SLC4A4: variants seen among roughly 807,000 people sequenced by gnomAD.
SLC4A4 encodes electrogenic sodium bicarbonate cotransporter 1.
A neutral mutation model predicts 111.5 loss-of-function variants in SLC4A4; 27 were observed. The ratio of observed to expected loss-of-function variants is 0.24; its 90% confidence interval spans 0.18 to 0.33. The LOEUF is 0.33. SLC4A4 is among the 10% of genes least tolerant of loss of function. The pLI, the probability that SLC4A4 is intolerant of heterozygous loss-of-function variation, is 1.00. For synonymous variants in SLC4A4, 443 were observed against 463.4 expected (o/e 0.96, Z 0.57); for missense variants, 909 against 1,315.5 (o/e 0.69, Z 4.78).
intron 16 of SLC4A4, among the ~76,000 whole-genome samples, chr4:71,507,353 TCACATGCAAAGACA>T: frequency 6.6e-6 from 1 of 152,044 alleles, no homozygotes; most frequent in East Asian, 1.9e-4. Context: ...GAGACCAATC[TCACATGCAAAGACA>T]CACATAGGCT....
chr4:71,509,191 A>G (rs776538823), intron 16 of SLC4A4, among the ~76,000 whole-genome samples: 12 of 152,228 alleles, frequency 7.9e-5, no homozygotes, highest in Non-Finnish European at 1.6e-4. Flanking sequence ...GAAAACCAGT[A>G]CAAGACAAAG....
intron 18 of SLC4A4, among the ~76,000 whole-genome samples, chr4:71,545,731 A>G (rs2149233245): frequency 6.6e-6 from 1 of 152,172 alleles, no homozygotes; most frequent in South Asian, 2.1e-4. Flanking sequence ...ACATATTATG[A>G]AAGCTGAGAA....
At chr4:71,389,252 T>A (rs570359852) in intron 6 of SLC4A4, among the ~76,000 whole-genome samples, 2 of 152,344 alleles carry the variant, frequency 1.3e-5, no homozygotes, top group Admixed American at 6.5e-5. Context: ...CTCTCTATTA[T>A]CTTTATCCCA....
intron 14 of SLC4A4, among the ~76,000 whole-genome samples, chr4:71,481,184 A>G (rs1728844525): frequency 6.6e-6 from 1 of 151,694 alleles, no homozygotes; most frequent in African/African-American, 2.4e-5. Context: ...CTATGCTCAG[A>G]AGGTGCTGGG....
At chr4:71,529,797 A>G (rs1328513703) in intron 16 of SLC4A4, among the ~76,000 whole-genome samples, 1 of 152,132 alleles carries the variant, frequency 6.6e-6, no homozygotes, top group Non-Finnish European at 1.5e-5. Flanking sequence ...CTTATAGGAT[A>G]TTTGTGTTGC....
In SLC4A4 at chr4:71,443,168, G is replaced by A. The variant is rs571689563; in HGVS notation, c.965+2395G>A. Reference sequence around the variant, plus strand: ...TATATATATAAATTTTTTGAAGGGGGGTGATAGAGTCTTGCTGTGTCACCC... The same window carrying A: ...TATATATATAAATTTTTTGAAGGGGAGTGATAGAGTCTTGCTGTGTCACCC... On this transcript the variant is annotated intron_variant, in intron 8 of 25. Coordinates refer to ENST00000264485, the MANE Select transcript of SLC4A4 (RefSeq NM_001098484.3). Among the ~76,000 whole-genome samples the A allele has an allele frequency of 1.1e-3, 137 of 129,632 alleles. 1 individual carries two copies. The highest frequency in any genetic ancestry group is 4.1e-3 in the African/African-American group (133 of 32,656). The allele number at this position is 129,632 out of a possible 152,430, so 85.0% of individuals were successfully genotyped here. A position where few individuals can be genotyped will look rare whatever the true frequency, so the allele number is the denominator to read the frequency against.
chr4:71,370,998 G>A (rs972074659), intron 6 of SLC4A4, among the ~76,000 whole-genome samples: 2 of 152,148 alleles, frequency 1.3e-5, no homozygotes, highest in Non-Finnish European at 2.9e-5. Flanking sequence ...CAGCTTTGAT[G>A]TATAATCACC....
chr4:71,427,291 G>T (rs1053930459), intron 7 of SLC4A4, among the ~76,000 whole-genome samples: 2 of 151,850 alleles, frequency 1.3e-5, no homozygotes, highest in Non-Finnish European at 2.9e-5. Context: ...GACAGTTAAG[G>T]CATGAATGTT....
intron 2 of SLC4A4, among the ~76,000 whole-genome samples, chr4:71,157,855 T>C (rs2148975896): frequency 6.6e-6 from 1 of 152,184 alleles, no homozygotes; most frequent in African/African-American, 2.4e-5. Context: ...AAAGCAACAG[T>C]GGGAAGAGGA....
At chr4:71,439,783 T>G (rs1046894213) in intron 7 of SLC4A4, among the ~76,000 whole-genome samples, 2 of 151,720 alleles carry the variant, frequency 1.3e-5, no homozygotes, top group Non-Finnish European at 2.9e-5. Context: ...CATGGTGATG[T>G]CTCTCAAATT....
At chr4:71,417,215 T>G (rs1211071966) in intron 7 of SLC4A4, among the ~76,000 whole-genome samples, 1 of 152,222 alleles carries the variant, frequency 6.6e-6, no homozygotes, top group Non-Finnish European at 1.5e-5. Flanking sequence ...TTTCTTTTCT[T>G]AGGGTACTTT....
chr4:71,288,646 C>T (rs1975707), intron 3 of SLC4A4, among the ~76,000 whole-genome samples: 2,204 of 152,014 alleles, frequency 0.014, 47 homozygotes, highest in African/African-American at 0.051. Context: ...TGATCCACCC[C>T]CCTTGGCCTC....
intron 2 of SLC4A4, among the ~76,000 whole-genome samples, chr4:71,167,109 A>T (rs1009942395): frequency 6.6e-6 from 1 of 152,104 alleles, no homozygotes; most frequent in African/African-American, 2.4e-5. Flanking sequence ...AAGAGATTTG[A>T]GGGCTGGAGT....
chr4:71,281,735 A>G (rs1203218207), intron 3 of SLC4A4, among the ~76,000 whole-genome samples: 1 of 152,202 alleles, frequency 6.6e-6, no homozygotes, highest in East Asian at 1.9e-4. Flanking sequence ...AAGTGTTTAA[A>G]TATTTCTAAT....
intron 7 of SLC4A4, among the ~76,000 whole-genome samples, chr4:71,430,458 C>A (rs1577882585): frequency 1.3e-5 from 2 of 152,088 alleles, no homozygotes; most frequent in East Asian, 1.9e-4. Context: ...AAAAAAAAAT[C>A]TGTAGTACAG....
At chr4:71,465,338 A>G (rs1215442157) in intron 12 of SLC4A4, among the ~76,000 whole-genome samples, 2 of 151,818 alleles carry the variant, frequency 1.3e-5, no homozygotes, top group Non-Finnish European at 2.9e-5. Flanking sequence ...AAAAGTTTTA[A>G]TGTTCAGATT....
intron 2 of SLC4A4, among the ~76,000 whole-genome samples, chr4:71,169,995 C>T (rs186983270): frequency 2.0e-5 from 3 of 152,324 alleles, no homozygotes; most frequent in African/African-American, 7.2e-5. Context: ...ACCGATCTCC[C>T]TTTGTTCCTC....
At chr4:71,144,992 G>C (rs1744123341) in intron 2 of SLC4A4, among the ~76,000 whole-genome samples, 2 of 152,142 alleles carry the variant, frequency 1.3e-5, no homozygotes, top group Non-Finnish European at 2.9e-5. Context: ...ATGTGGAATA[G>C]GAGTGGTGAG....
chr4:71,106,955 A>C (rs1441451817), intron 2 of SLC4A4, among the ~76,000 whole-genome samples: 3 of 151,510 alleles, frequency 2.0e-5, no homozygotes, highest in Non-Finnish European at 4.4e-5. Flanking sequence ...TAATAAGAAA[A>C]AAAAGTCTGT....
Sources: gnomAD v4.1 joint callset for allele counts (sites outside exome capture counted in the v4.1 genomes callset) on GRCh38, gnomAD v4.1.1 for gene constraint, MANE v1.5 for transcripts, NCBI Gene and HGNC (gene_info 2026-07-23, HGNC 2026-07-21) for gene names.